Variants in UNC5B observed in about 807,000 individuals in gnomAD.
UNC5B encodes the protein unc-5 netrin receptor B.
Under a neutral mutation model 103.7 loss-of-function variants are expected in UNC5B, and 56 were observed. The ratio of observed to expected loss-of-function variants is 0.54; its 90% CI spans 0.44 to 0.67. UNC5B has a LOEUF of 0.67. Ranked by LOEUF, UNC5B falls within the 30% of genes least tolerant of loss-of-function variation. The pLI is 0.00. For synonymous variants in UNC5B, 577 were observed against 542.0 expected (o/e 1.06, Z -0.90); for missense variants, 1,194 against 1,284.5 (o/e 0.93, Z 1.08).
At chr10:71,269,022 G>A (rs551481679) in intron 1 of UNC5B, among the ~76,000 whole-genome samples, 9 of 152,312 alleles carry the variant, frequency 5.9e-5, no homozygotes, top group Admixed American at 2.6e-4. Context: ...GTGACCGTGC[G>A]GGGGCTGGTG....
intron 1 of UNC5B, among the ~76,000 whole-genome samples, chr10:71,221,698 G>A (rs1381608342): frequency 6.6e-6 from 1 of 152,174 alleles, no homozygotes; most frequent in Non-Finnish European, 1.5e-5. Context: ...CAACAGATAT[G>A]AATCATTCAA....
intron 1 of UNC5B, among the ~76,000 whole-genome samples, chr10:71,232,918 A>G (rs1026255250): frequency 6.6e-6 from 1 of 152,188 alleles, no homozygotes; most frequent in Non-Finnish European, 1.5e-5. Context: ...CGTGGAGAGG[A>G]AGAAACCAAA....
At chr10:71,290,760 C>T (rs1845226564) in intron 8 of UNC5B, among the ~76,000 whole-genome samples, 155 bp from the exon 9 acceptor site, 1 of 152,218 alleles carries the variant, frequency 6.6e-6, no homozygotes, top group Non-Finnish European at 1.5e-5. Context: ...CAAGGCTAGC[C>T]CGAGGTTGCC....
At chr10:71,254,666 G>A (rs895435797) in intron 1 of UNC5B, among the ~76,000 whole-genome samples, 2 of 152,204 alleles carry the variant, frequency 1.3e-5, no homozygotes, top group African/African-American at 4.8e-5. Flanking sequence ...GGAGAACAAT[G>A]GGACATCCCC....
At position 71,257,020 on chromosome 10, in the gene UNC5B, G is replaced by A. The variant is rs1844306186; in HGVS notation, c.80-22801G>A. Among the ~76,000 whole-genome samples, 4 of 152,318 alleles carry A rather than the reference G, an allele frequency of 2.6e-5. No individual in the cohort carries two copies. In the South Asian group the frequency reaches 8.3e-4, roughly 32 times the overall value. ...CAGGGATTAAAGAGGATGCTAAGGA[G>A]GAGGCTGGGACAGCCCCAACAGCGG... On this transcript the variant is annotated intron_variant, in intron 1 of 16. Transcript: ENST00000335350.
chr10:71,218,307 A>T (rs1843380757), intron 1 of UNC5B: 1 of 152,326 alleles, frequency 6.6e-6, no homozygotes, highest in Non-Finnish European at 1.5e-5. Context: ...GCAATGTCAC[A>T]TGGGCACACT....
At chr10:71,235,725 T>C (rs1843763789) in intron 1 of UNC5B, among the ~76,000 whole-genome samples, 1 of 152,222 alleles carries the variant, frequency 6.6e-6, no homozygotes, top group Non-Finnish European at 1.5e-5. Flanking sequence ...TGTGGCCTCT[T>C]GGCCTCAACC....
intron 4 of UNC5B, 140 bp from the exon 5 acceptor site, chr10:71,286,547 TAC>T (rs1845085369): frequency 9.2e-7 from 1 of 1,086,632 alleles, no homozygotes; most frequent in Non-Finnish European, 1.3e-6. Context: ...CCCAGAGCTG[TAC>T]AGTGTCCAGT....
chr10:71,301,409 A>C lies in UNC5B; in HGVS notation c.*2132A>C, dbSNP rs1589212896. 2.0e-5 allele frequency: 3 copies of C among 152,404 alleles called. No individual in the cohort carries two copies. Among genetic ancestry groups the C allele is most frequent in the Admixed American group, 2.0e-4 (3 of 15,308 alleles). 9.4% of individuals were successfully genotyped at this position (152,404 alleles called of 1,614,324 possible). ...AGGGCTGCTGAGGGGCCAGGCCTGC[A>C]TCAGGGGCTAGGCTCTGGCTGGGCC... is the stretch of plus-strand genomic sequence containing the variant. On this transcript the variant is annotated 3_prime_UTR_variant, in exon 17 of 17. Transcript: ENST00000335350.
At chr10:71,253,440 C>G (rs987410469) in intron 1 of UNC5B, among the ~76,000 whole-genome samples, 3 of 152,238 alleles carry the variant, frequency 2.0e-5, no homozygotes, top group Non-Finnish European at 2.9e-5. Flanking sequence ...TCCACCTTCT[C>G]CTCGTCCATT....
chr10:71,240,218 G>A (rs1012265627), intron 1 of UNC5B, among the ~76,000 whole-genome samples: 2 of 152,250 alleles, frequency 1.3e-5, no homozygotes, highest in Non-Finnish European at 2.9e-5. Context: ...CTTCTGCCAT[G>A]CGGCCTGCTG....
At chr10:71,227,599 C>CATAT (rs1467038686) in intron 1 of UNC5B, among the ~76,000 whole-genome samples, 2 of 142,328 alleles carry the variant, frequency 1.4e-5, no homozygotes, top group African/African-American at 5.4e-5. Context: ...ATTTTGTATA[C>CATAT]ATACATATAT....
intron 15 of UNC5B, 65 bp from the exon 16 acceptor site, chr10:71,297,844 G>T: frequency 6.6e-7 from 1 of 1,520,372 alleles, no homozygotes. Context: ...AGTCCAAGGG[G>T]AGGGAGGCTG....
At chr10:71,262,462 T>TGGG (rs1844435517) in intron 1 of UNC5B, among the ~76,000 whole-genome samples, 1 of 151,962 alleles carries the variant, frequency 6.6e-6, no homozygotes, top group African/African-American at 2.4e-5. Flanking sequence ...TTGGGAGGGA[T>TGGG]GGGGCATAGA....
intron 8 of UNC5B, among the ~76,000 whole-genome samples, chr10:71,290,342 CCTT>C (rs1333710313): frequency 2.6e-5 from 4 of 152,180 alleles, no homozygotes; most frequent in African/African-American, 9.7e-5. Flanking sequence ...CTGGGCCCAT[CCTT>C]CTTCCCACAT....
intron 1 of UNC5B, among the ~76,000 whole-genome samples, chr10:71,262,927 A>G (rs1355367746): frequency 6.6e-6 from 1 of 152,268 alleles, no homozygotes; most frequent in East Asian, 1.9e-4. Flanking sequence ...AAATAAGTAT[A>G]TAACTTGAAA....
intron 1 of UNC5B, among the ~76,000 whole-genome samples, chr10:71,266,827 C>A (rs1844535392): frequency 6.6e-6 from 1 of 152,202 alleles, no homozygotes; most frequent in East Asian, 1.9e-4. Context: ...TTAAACAGAA[C>A]ATTCCAGAAA....
chr10:71,275,761 C>G (rs1414813497), intron 1 of UNC5B, among the ~76,000 whole-genome samples: 2 of 152,026 alleles, frequency 1.3e-5, no homozygotes, highest in African/African-American at 4.8e-5. Flanking sequence ...TTCATCAGCA[C>G]ACTCACAGGG....
chr10:71,256,260 C>T (rs1844287949), intron 1 of UNC5B, among the ~76,000 whole-genome samples: 2 of 152,218 alleles, frequency 1.3e-5, no homozygotes, highest in Admixed American at 1.3e-4. Context: ...GCTGCTGCCA[C>T]TCACACAGCC....
Sources: gnomAD v4.1 joint callset for allele counts (sites outside exome capture counted in the v4.1 genomes callset) on GRCh38, gnomAD v4.1.1 for gene constraint, MANE v1.5 for transcripts, NCBI Gene and HGNC (gene_info 2026-07-23, HGNC 2026-07-21) for gene names.